KIF26B: variants seen among roughly 807,000 people sequenced by gnomAD.
The protein encoded by KIF26B is kinesin-like protein KIF26B.
Under a neutral mutation model 151.2 loss-of-function variants are expected in KIF26B, and 63 were observed. That is an observed-to-expected ratio of 0.42 (90% CI 0.34 to 0.51). KIF26B has a LOEUF of 0.51. Ranked by LOEUF, KIF26B falls within the 20% of genes least tolerant of loss-of-function variation. The pLI is 0.07. For synonymous variants in KIF26B, 1,357 were observed against 1,262.1 expected (o/e 1.08, Z -1.59); for missense variants, 2,813 against 2,913.6 (o/e 0.97, Z 0.79).
chr1:245,164,430 C>T (rs1668582395), intron 2 of KIF26B, among the ~76,000 whole-genome samples: 1 of 152,206 alleles, frequency 6.6e-6, no homozygotes, highest in Non-Finnish European at 1.5e-5. Context: ...AGTTCTAGTA[C>T]TATGCCACAT....
intron 2 of KIF26B, among the ~76,000 whole-genome samples, chr1:245,211,330 C>A (rs1024630221): frequency 2.6e-5 from 4 of 152,198 alleles, no homozygotes; most frequent in African/African-American, 9.6e-5. Context: ...AAGAGTTGGG[C>A]CATCCCCTGC....
At chr1:245,370,840 G>A in intron 3 of KIF26B, 1 of 358,974 alleles carries the variant, frequency 2.8e-6, no homozygotes, top group Non-Finnish European at 5.5e-6. Context: ...AGAATTTACT[G>A]TACAAGTATT....
At chr1:245,332,799 G>A (rs1672140941) in intron 2 of KIF26B, among the ~76,000 whole-genome samples, 1 of 152,186 alleles carries the variant, frequency 6.6e-6, no homozygotes, top group Non-Finnish European at 1.5e-5. Context: ...GGTATCTGTG[G>A]CTTTTATGTC....
At chr1:245,392,155 A>G (rs1375402648) in intron 3 of KIF26B, among the ~76,000 whole-genome samples, 1 of 152,102 alleles carries the variant, frequency 6.6e-6, no homozygotes, top group Non-Finnish European at 1.5e-5. Flanking sequence ...TCCTGAAACG[A>G]AAGAGTTTGA....
intron 9 of KIF26B, among the ~76,000 whole-genome samples, chr1:245,640,160 T>TATATATATATATATACAC (rs796722836): frequency 0.01 from 550 of 54,304 alleles, 47 homozygotes; most frequent in East Asian, 0.035. Flanking sequence ...TATATATATA[T>TATATATATATATATACAC]ACCCTGCTAT....
intron 4 of KIF26B, among the ~76,000 whole-genome samples, chr1:245,438,681 A>AC (rs1183060149): frequency 6.6e-5 from 10 of 152,238 alleles, no homozygotes; most frequent in Admixed American, 3.3e-4. Context: ...GACAAAAAAA[A>AC]CATGGATGTC....
chr1:245,386,322 C>G (rs896461077), intron 3 of KIF26B, among the ~76,000 whole-genome samples: 1 of 128,114 alleles, frequency 7.8e-6, no homozygotes, highest in Admixed American at 8.5e-5. Context: ...ATTCAGCCTG[C>G]TGTGTAATTG....
At chr1:245,676,167 T>G (rs762757932) in intron 10 of KIF26B, 1 of 152,234 alleles carries the variant, frequency 6.6e-6, no homozygotes, top group Non-Finnish European at 1.5e-5. Flanking sequence ...CTTTCATAAG[T>G]CATTATGTGA....
Position 245,641,754 on chromosome 1 carries a change from A to G in KIF26B, c.2099-4367A>G, listed in dbSNP as rs141452147. ...TTCTTGAAGTTCACTGAGCTTCCTT[A>G]AAACTGCTATTTTGAATTATTTGTC... On this transcript the variant is annotated intron_variant, in intron 9 of 14. Coordinates refer to ENST00000407071, the MANE Select transcript of KIF26B (RefSeq NM_018012.4). 3.7e-3 allele frequency among the ~76,000 whole-genome samples: 558 copies of G among 152,248 alleles called. 3 individuals carry two copies. Among genetic ancestry groups the G allele is most frequent in the African/African-American group, 0.013 (524 of 41,530 alleles).
rs576548833 is a variant in KIF26B, at chr1:245,435,263, C to T, written c.1166+15518C>T. On this transcript the variant is annotated intron_variant, in intron 4 of 14. Transcript: ENST00000407071. Reference sequence around the variant, plus strand: ...CCGAGGAGAGCAAGAGGACAGCCACCGCCCTCAGGGAGCTCTCAGTCCAGC... The same window carrying T: ...CCGAGGAGAGCAAGAGGACAGCCACTGCCCTCAGGGAGCTCTCAGTCCAGC... 2.0e-4 allele frequency among the ~76,000 whole-genome samples: 30 copies of T among 152,288 alleles called. No homozygotes were observed. In the South Asian group the frequency reaches 4.6e-3, roughly 23 times the overall value.
At chr1:245,314,102 G>C (rs1349158333) in intron 2 of KIF26B, among the ~76,000 whole-genome samples, 1 of 152,136 alleles carries the variant, frequency 6.6e-6, no homozygotes, top group Non-Finnish European at 1.5e-5. Context: ...TAGCTAGATG[G>C]CAAACCCCTT....
chr1:245,428,675 C>T (rs555870853), intron 4 of KIF26B, among the ~76,000 whole-genome samples: 6 of 152,280 alleles, frequency 3.9e-5, no homozygotes, highest in South Asian at 4.1e-4. Flanking sequence ...CCAGCGTTTG[C>T]GGCCCCTTCC....
intron 4 of KIF26B, among the ~76,000 whole-genome samples, chr1:245,535,864 A>G (rs1661478005): frequency 6.6e-6 from 1 of 152,192 alleles, no homozygotes; most frequent in Admixed American, 6.5e-5. Flanking sequence ...TAAATGCTTT[A>G]CATGTACTGT....
chr1:245,384,858 G>A (rs1476498005), intron 3 of KIF26B, among the ~76,000 whole-genome samples: 1 of 152,170 alleles, frequency 6.6e-6, no homozygotes, highest in African/African-American at 2.4e-5. Flanking sequence ...GTTTAGGTAA[G>A]AATATATATT....
At chr1:245,400,206 C>T (rs775851747) in intron 3 of KIF26B, among the ~76,000 whole-genome samples, 9 of 152,122 alleles carry the variant, frequency 5.9e-5, no homozygotes, top group Non-Finnish European at 4.4e-5. Context: ...TAACAAGCTG[C>T]GGGGACCCTA....
intron 5 of KIF26B, among the ~76,000 whole-genome samples, chr1:245,550,999 AC>A (rs1661868394): frequency 6.6e-6 from 1 of 152,124 alleles, no homozygotes; most frequent in Non-Finnish European, 1.5e-5. Flanking sequence ...GAGCTGAGGG[AC>A]AGTCATTTTT....
chr1:245,558,039 G>A (rs1278147031), intron 5 of KIF26B, among the ~76,000 whole-genome samples: 1 of 152,144 alleles, frequency 6.6e-6, no homozygotes, highest in Admixed American at 6.5e-5. Flanking sequence ...ACGGATGACT[G>A]CTTAGACACA....
chr1:245,246,866 A>AACACAAAC lies in KIF26B; in HGVS notation c.465+90188_465+90189insAACACACA, dbSNP rs1553338366. Reference sequence around the variant, plus strand: ...CTGAAAGGCTTGCTTGTAAGGGCAGAACACACACACACACACACACACACA... The same window carrying AACACAAAC: ...CTGAAAGGCTTGCTTGTAAGGGCAGAACACAAACACACACACACACACACACACACACA... On this transcript the variant is annotated intron_variant, in intron 2 of 14. Coordinates refer to ENST00000407071, the MANE Select transcript of KIF26B (RefSeq NM_018012.4). Among the ~76,000 whole-genome samples, 5 of 143,946 alleles carry AACACAAAC rather than the reference A, an allele frequency of 3.5e-5. No individual in the cohort carries two copies. In the East Asian group the frequency reaches 1.0e-3, roughly 30 times the overall value. 94.4% of individuals were successfully genotyped at this position (143,946 alleles called of 152,430 possible). A position where few individuals can be genotyped will look rare whatever the true frequency, so the allele number is the denominator to read the frequency against.
intron 2 of KIF26B, among the ~76,000 whole-genome samples, chr1:245,254,012 G>A (rs868325241): frequency 6.6e-5 from 10 of 151,686 alleles, no homozygotes; most frequent in East Asian, 5.8e-4. Flanking sequence ...GGGTTTCACC[G>A]TGTTAGCCAG....
Sources: allele counts gnomAD v4.1 joint callset (sites outside exome capture counted in the v4.1 genomes callset), GRCh38; gene constraint gnomAD v4.1.1; transcripts MANE v1.5; gene names NCBI Gene and HGNC (gene_info 2026-07-23, HGNC 2026-07-21).